DOCK9: variants seen among roughly 807,000 people sequenced by gnomAD.
DOCK9 encodes the protein dedicator of cytokinesis protein 9.
Under a neutral mutation model 263.3 loss-of-function variants are expected in DOCK9, and 89 were observed. The ratio of observed to expected loss-of-function variants is 0.34; its 90% CI spans 0.28 to 0.40. The LOEUF (loss-of-function observed/expected upper bound fraction) is 0.40. Among genes scored for constraint, DOCK9 ranks in the 10% least tolerant of loss-of-function variants. The pLI is 1.00. For missense variants in DOCK9, 2,140 were observed against 2,603.4 expected, an observed-to-expected ratio of 0.82 and a Z score of 3.87; for synonymous variants, 976 against 973.1, an observed-to-expected ratio of 1.00 and a Z score of -0.06.
intron 39 of DOCK9, among the ~76,000 whole-genome samples, chr13:98,833,670 A>G (rs2092861919): frequency 6.6e-6 from 1 of 152,202 alleles, no homozygotes; most frequent in African/African-American, 2.4e-5. Context: ...TCAAATATAT[A>G]CAATAAAATT....
chr13:98,979,221 A>AGTG (rs1223081114), upstream of DOCK9, among the ~76,000 whole-genome samples: 1 of 130,922 alleles, frequency 7.6e-6, no homozygotes, highest in African/African-American at 3.0e-5. Flanking sequence ...TAGTAGTAGT[A>AGTG]GTAGTAGTAG....
intron 2 of DOCK9, among the ~76,000 whole-genome samples, chr13:98,931,881 AG>A (rs2140312685): frequency 6.7e-6 from 1 of 150,042 alleles, no homozygotes; most frequent in African/African-American, 2.4e-5. Context: ...TACAGGTGTG[AG>A]CCACCACACC....
At chr13:99,029,137 C>T (rs1266849670) in intron 1 of DOCK9, among the ~76,000 whole-genome samples, 1 of 152,208 alleles carries the variant, frequency 6.6e-6, no homozygotes, top group Non-Finnish European at 1.5e-5. Context: ...GCAGTTCCTT[C>T]TAGTGCAGCA....
At chr13:98,871,632 T>C (rs796825859) in intron 27 of DOCK9, 27 of 152,340 alleles carry the variant, frequency 1.8e-4, no homozygotes, top group African/African-American at 6.5e-4. Context: ...GATGCTCAGG[T>C]AGTGAGTACC....
At chr13:98,951,472 G>A (rs895574055) in intron 2 of DOCK9, among the ~76,000 whole-genome samples, 1 of 152,208 alleles carries the variant, frequency 6.6e-6, no homozygotes, top group African/African-American at 2.4e-5. Flanking sequence ...TAGGTGGGCA[G>A]GTGGGTGGGA....
chr13:98,844,646 T>C (rs1194667199), intron 38 of DOCK9, among the ~76,000 whole-genome samples: 2 of 152,128 alleles, frequency 1.3e-5, no homozygotes, highest in Non-Finnish European at 2.9e-5. Context: ...TCCCAAAGTG[T>C]TGGGATTACA....
chr13:98,824,464 G>A lies in DOCK9; in HGVS notation c.5064C>T (p.Thr1688=), dbSNP rs768099180. Residue 1688 remains threonine, a synonymous_variant, in exon 45 of 53, where the codon ACC becomes ACT. Transcript: ENST00000682017. ...TGGAGGCCTCCTCGTCGATGTTTGG[G>A]GTAATGACCCTGAAGGCGGTGCATC... is the stretch of plus-strand genomic sequence containing the variant. The part of the protein sequence containing the change: ...RQGCTAFRVI[T]PNIDEEASMM... The A allele has an allele frequency of 2.4e-5, 39 of 1,613,776 alleles. No homozygotes were observed. The highest frequency in any genetic ancestry group is 2.5e-5 in the Non-Finnish European group (30 of 1,179,838).
chr13:98,885,253 C>T lies in DOCK9; in HGVS notation c.2261-161G>A, dbSNP rs1365952060. ...AAATGTAATCTCTGCAGAACATTGTCTACAATGTACTTAGGCCTTTTCGGG... is the reference window on the plus strand; with the variant it reads ...AAATGTAATCTCTGCAGAACATTGTTTACAATGTACTTAGGCCTTTTCGGG... On this transcript the variant is annotated intron_variant, in intron 20 of 52. Transcript: ENST00000682017. The T allele has an allele frequency of 6.1e-6, 6 of 982,970 alleles. No homozygotes were observed. In the African/African-American group the frequency reaches 8.2e-5, roughly 13 times the overall value. 60.9% of individuals were successfully genotyped at this position (982,970 alleles called of 1,614,324 possible). A position where few individuals can be genotyped will look rare whatever the true frequency, so the allele number is the denominator to read the frequency against.
At chr13:98,877,560 C>T (rs2044071098) in intron 27 of DOCK9, among the ~76,000 whole-genome samples, 1 of 152,066 alleles carries the variant, frequency 6.6e-6, no homozygotes, top group Non-Finnish European at 1.5e-5. Context: ...ACTCTCTCTC[C>T]ACCTGGTCCT....
chr13:98,844,485 C>T (rs1347597099), intron 38 of DOCK9, among the ~76,000 whole-genome samples: 1 of 152,150 alleles, frequency 6.6e-6, no homozygotes, highest in Non-Finnish European at 1.5e-5. Context: ...GTCTCAGCCT[C>T]CCCAGTAGCT....
intron 18 of DOCK9, among the ~76,000 whole-genome samples, chr13:98,887,347 T>C (rs1442209745): frequency 1.3e-5 from 2 of 150,380 alleles, no homozygotes; most frequent in Non-Finnish European, 3.0e-5. Flanking sequence ...CCGGGTGGGG[T>C]GGCTCACGCC....
chr13:98,989,714 A>C (rs1879371706), intron 1 of DOCK9, among the ~76,000 whole-genome samples: 1 of 152,204 alleles, frequency 6.6e-6, no homozygotes, highest in African/African-American at 2.4e-5. Flanking sequence ...GACAGAACAC[A>C]CACCTTAGCC....
chr13:98,800,534 T>C, intron 49 of DOCK9, 56 bp from the exon 50 acceptor site: 3 of 1,569,106 alleles, frequency 1.9e-6, no homozygotes, highest in South Asian at 2.3e-5. Flanking sequence ...TTAGTGTTAT[T>C]GAGCTGATTA....
In DOCK9 at chr13:98,860,123, G is replaced by A. The variant is rs2093818343; in HGVS notation, c.3697+282C>T. 7 of 1,210,558 alleles carry A rather than the reference G, an allele frequency of 5.8e-6. No homozygotes were observed. The Admixed American group carries it at 9.8e-5, about 17-fold the overall frequency. The allele number at this position is 1,210,558 out of a possible 1,614,324, so 75.0% of individuals were successfully genotyped here. ...TTAACAGTATACACAATCCAATTAAGATTTAAAATGAAAACTCAACAAACG... is the reference window on the plus strand; with the variant it reads ...TTAACAGTATACACAATCCAATTAAAATTTAAAATGAAAACTCAACAAACG... On this transcript the variant is annotated intron_variant, in intron 33 of 52. Coordinates refer to ENST00000682017, the MANE Select transcript of DOCK9 (RefSeq NM_001366683.2).
intron 1 of DOCK9, among the ~76,000 whole-genome samples, chr13:99,066,683 C>T (rs1298882894): frequency 2.0e-5 from 3 of 151,210 alleles, no homozygotes; most frequent in African/African-American, 7.4e-5. Context: ...CTTAAATGCC[C>T]TGTTTTCCCT....
intron 45 of DOCK9, among the ~76,000 whole-genome samples, chr13:98,822,951 G>A (rs2092356538): frequency 6.6e-6 from 1 of 151,752 alleles, no homozygotes; most frequent in African/African-American, 2.4e-5. Context: ...AGACCCCTTC[G>A]TAGATTTTAA....
At chr13:98,948,203 C>A (rs1422937794) in intron 2 of DOCK9, among the ~76,000 whole-genome samples, 3 of 152,112 alleles carry the variant, frequency 2.0e-5, no homozygotes, top group Non-Finnish European at 4.4e-5. Context: ...AAAAATAAAA[C>A]TCAGGATGTT....
At chr13:99,066,095 A>G (rs1482378541) in intron 1 of DOCK9, among the ~76,000 whole-genome samples, 1 of 152,210 alleles carries the variant, frequency 6.6e-6, no homozygotes. Context: ...TAAAAAAGAT[A>G]AAACTAAACA....
At chr13:99,016,738 C>A (rs1302593410) in intron 1 of DOCK9, among the ~76,000 whole-genome samples, 2 of 152,280 alleles carry the variant, frequency 1.3e-5, no homozygotes. Flanking sequence ...GACCATGCTG[C>A]ACATACAGGA....
Sources: gnomAD v4.1 joint callset for allele counts (sites outside exome capture counted in the v4.1 genomes callset) on GRCh38, gnomAD v4.1.1 for gene constraint, MANE v1.5 for transcripts, NCBI Gene and HGNC (gene_info 2026-07-23, HGNC 2026-07-21) for gene names.